Variants in GABRR3 observed in about 807,000 individuals in gnomAD.
GABRR3 encodes gamma-aminobutyric acid receptor subunit rho-3.
In GABRR3, 29 loss-of-function variants were observed where a neutral mutation model predicts 43.2. That is an observed-to-expected ratio of 0.67 (90% CI 0.50 to 0.92). GABRR3 has a LOEUF of 0.92. Among genes scored for constraint, GABRR3 ranks in the 40% least tolerant of loss-of-function variants. The pLI is 0.00. For missense variants in GABRR3, 576 were observed against 572.3 expected (o/e 1.01, Z -0.07); for synonymous variants, 206 against 195.9 (o/e 1.05, Z -0.43).
chr3:97,987,112 CA>C, intron 9 of GABRR3, 130 bp from the exon 10 acceptor site: 2 of 661,346 alleles, frequency 3.0e-6, no homozygotes, highest in South Asian at 2.2e-5. Flanking sequence ...ATTTGTTTTT[CA>C]ACTTATTTTT....
At chr3:97,988,205 C>T (rs1706411245) in intron 9 of GABRR3, among the ~76,000 whole-genome samples, 1 of 151,948 alleles carries the variant, frequency 6.6e-6, no homozygotes. Flanking sequence ...GCACCCCCTA[C>T]AGAAGGACGC....
At chr3:98,012,714 A>G (rs1706810547) in intron 4 of GABRR3, 147 bp from the exon 5 acceptor site, 5 of 611,976 alleles carry the variant, frequency 8.2e-6, no homozygotes, top group Middle Eastern at 4.4e-4. Context: ...TAGATCTAGG[A>G]TGAAGCTAAG....
At chr3:97,997,219 C>T (rs576210767) in intron 8 of GABRR3, among the ~76,000 whole-genome samples, 42 of 152,210 alleles carry the variant, frequency 2.8e-4, no homozygotes, top group Non-Finnish European at 1.2e-4. Context: ...TGAAGGCTTT[C>T]GGCCATGTAG....
At chr3:97,991,772 C>T (rs1416583234) in intron 9 of GABRR3, among the ~76,000 whole-genome samples, 2 of 152,112 alleles carry the variant, frequency 1.3e-5, no homozygotes, top group African/African-American at 4.8e-5. Flanking sequence ...GATATAAAAA[C>T]ATCCTGAAAG....
intron 8 of GABRR3, 162 bp downstream of exon 8, chr3:98,001,453 G>A (rs1466992633): frequency 5.9e-6 from 4 of 679,392 alleles, no homozygotes; most frequent in Non-Finnish European, 7.4e-6. Context: ...ATTACAATTT[G>A]CCCTTGAGGA....
At chr3:98,002,970 T>C (rs1365426074) in intron 7 of GABRR3, among the ~76,000 whole-genome samples, 1 of 152,162 alleles carries the variant, frequency 6.6e-6, no homozygotes, top group Non-Finnish European at 1.5e-5. Flanking sequence ...ACTCTACTCT[T>C]AGAATCCTAT....
At chr3:97,986,240 G>C (rs2107221910), downstream of GABRR3, among the ~76,000 whole-genome samples, 1 of 152,334 alleles carries the variant, frequency 6.6e-6, no homozygotes, top group African/African-American at 2.4e-5. Context: ...ATTCTCAGCT[G>C]TGTGAGTGTG....
rs1193998343 is a variant in GABRR3, at chr3:97,995,369, G to A, written c.908-2321C>T. Among the ~76,000 whole-genome samples the A allele has an allele frequency of 4.6e-5, 7 of 151,896 alleles. No individual in the cohort carries two copies. In the East Asian group the frequency reaches 5.8e-4, roughly 13 times the overall value. On this transcript the variant is annotated intron_variant, in intron 8 of 9. Transcript: ENST00000621172. ...ATTGTGCAGTAATATGGAGCTTAGC[G>A]GACAAAATAAGGATTTTAAACAAAC...
At chr3:97,988,716 T>C (rs1342120998) in intron 9 of GABRR3, among the ~76,000 whole-genome samples, 1 of 145,896 alleles carries the variant, frequency 6.9e-6, no homozygotes, top group Non-Finnish European at 1.5e-5. Flanking sequence ...GGTGGGACTG[T>C]TGGTGAATGG....
chr3:98,007,901 G>C, exon 7 of GABRR3: 1 of 1,561,384 alleles, frequency 6.4e-7, no homozygotes, highest in South Asian at 1.2e-5. Context: ...CTCATTGTAG[G>C]CATCTAAAAC....
intron 3 of GABRR3, among the ~76,000 whole-genome samples, chr3:98,019,892 A>G (rs1706917426): frequency 6.6e-6 from 1 of 152,188 alleles, no homozygotes; most frequent in Non-Finnish European, 1.5e-5. Flanking sequence ...AATAGTGTTT[A>G]ATGGTGATTT....
chr3:97,993,096 C>T, intron 8 of GABRR3, 48 bp from the exon 9 acceptor site: 10 of 1,443,122 alleles, frequency 6.9e-6, no homozygotes, highest in Non-Finnish European at 9.4e-6. Context: ...CCATTCATTT[C>T]CAGGATCTGG....
chr3:98,015,106 G>A (rs832021), intron 4 of GABRR3, among the ~76,000 whole-genome samples: 113,599 of 152,080 alleles, frequency 0.75, 43,387 homozygotes, highest in East Asian at 0.99. Context: ...TCAAATGAGT[G>A]GATTGGATAA....
chr3:98,004,800 T>C (rs1226069651), intron 7 of GABRR3, among the ~76,000 whole-genome samples: 1 of 151,936 alleles, frequency 6.6e-6, no homozygotes, highest in African/African-American at 2.4e-5. Context: ...GGAGTGGTGG[T>C]TGTGGCTGGT....
chr3:98,022,475 G>T (rs531858830), intron 3 of GABRR3, among the ~76,000 whole-genome samples: 37 of 152,326 alleles, frequency 2.4e-4, no homozygotes, highest in Non-Finnish European at 1.5e-5. Flanking sequence ...GTGTGTTTGT[G>T]TTGCGGACAA....
At chr3:98,001,685 T>A (rs1197766186) in exon 8 of GABRR3, 1 of 1,613,364 alleles carries the variant, frequency 6.2e-7, no homozygotes. Flanking sequence ...TCACCATCAA[T>A]ATGGCTGGGA....
chr3:97,986,427 T>A (rs1706387432), downstream of GABRR3, among the ~76,000 whole-genome samples: 2 of 152,232 alleles, frequency 1.3e-5, no homozygotes, highest in African/African-American at 4.8e-5. Flanking sequence ...TCAGATGAAG[T>A]AGTTATAAAG....
chr3:98,018,927 T>C (rs1372211902), intron 3 of GABRR3, among the ~76,000 whole-genome samples: 2 of 151,918 alleles, frequency 1.3e-5, no homozygotes, highest in South Asian at 2.1e-4. Context: ...TTCACCAACA[T>C]GGTGAAACCC....
At position 98,025,693 on chromosome 3, in the gene GABRR3, G is replaced by T. The variant is rs760440076; in HGVS notation, c.126-14C>A. 4 of 1,563,134 alleles carry T rather than the reference G, an allele frequency of 2.6e-6. No homozygotes were observed. The Admixed American group carries it at 7.6e-5, about 30-fold the overall frequency. Reference sequence around the variant, plus strand: ...GTTTCTTGTTTGCTGTTCCCCCAAAGGGAAAAAAAAAACTTCTGAGATACA... The same window carrying T: ...GTTTCTTGTTTGCTGTTCCCCCAAATGGAAAAAAAAAACTTCTGAGATACA... On this transcript the variant is annotated splice_polypyrimidine_tract_variant and intron_variant, in intron 2 of 9. Coordinates refer to ENST00000621172, the Ensembl canonical transcript of GABRR3.
Sources: allele counts gnomAD v4.1 joint callset (sites outside exome capture counted in the v4.1 genomes callset), GRCh38; gene constraint gnomAD v4.1.1; transcripts MANE v1.5; gene names NCBI Gene and HGNC (gene_info 2026-07-23, HGNC 2026-07-21).